The following PDE4D variants were observed in gnomAD, a reference collection of about 807,000 sequenced individuals.
PDE4D encodes the protein 3',5'-cyclic-AMP phosphodiesterase 4D.
In PDE4D, 24 loss-of-function variants were observed where a neutral mutation model predicts 87.4. The ratio of observed to expected loss-of-function variants is 0.27; its 90% confidence interval spans 0.20 to 0.39. The LOEUF is 0.39. Among genes scored for constraint, PDE4D ranks in the 10% least tolerant of loss-of-function variants. The pLI is 1.00. For missense variants in PDE4D, 714 were observed against 1,041.0 expected, an observed-to-expected ratio of 0.69 and a Z score of 4.32; for synonymous variants, 384 against 383.2, an observed-to-expected ratio of 1.00 and a Z score of -0.02.
At chr5:59,420,755 C>T (rs1040056968) in intron 1 of PDE4D, among the ~76,000 whole-genome samples, 10 of 151,006 alleles carry the variant, frequency 6.6e-5, no homozygotes, top group African/African-American at 1.9e-4. Context: ...TGCTGGTATT[C>T]ACAGTGTTCT....
At chr5:59,052,597 G>C (rs1761714840) in intron 5 of PDE4D, among the ~76,000 whole-genome samples, 1 of 152,172 alleles carries the variant, frequency 6.6e-6, no homozygotes, top group Non-Finnish European at 1.5e-5. Context: ...AGTGGTCTAC[G>C]ATGACAGTTA....
intron 2 of PDE4D, among the ~76,000 whole-genome samples, chr5:59,199,365 T>C (rs1269485943): frequency 6.6e-6 from 1 of 151,954 alleles, no homozygotes; most frequent in East Asian, 1.9e-4. Context: ...GTGCCTAGGA[T>C]TACAGGTGTG....
intron 1 of PDE4D, among the ~76,000 whole-genome samples, chr5:59,821,197 C>T (rs572451443): frequency 5.7e-4 from 87 of 152,204 alleles, no homozygotes; most frequent in African/African-American, 2.0e-3. Context: ...CGTGCCACTG[C>T]ACTCCAGCCT....
At chr5:58,993,584 T>C in intron 6 of PDE4D, 119 bp from the exon 7 acceptor site, 1 of 609,084 alleles carries the variant, frequency 1.6e-6, no homozygotes, top group Non-Finnish European at 2.8e-6. Context: ...CCTGACAATT[T>C]AGAACAGTGC....
chr5:59,388,606 A>G (rs1251205575), intron 1 of PDE4D, among the ~76,000 whole-genome samples: 5 of 129,602 alleles, frequency 3.9e-5, no homozygotes. Context: ...ATCAACAATG[A>G]ATGGATAAAG....
rs557800725 is a variant in PDE4D at position 60,504,642 on chromosome 5, A to T, written n.70+17409T>A. ...CAGGTTGAAGTTGATTGACTTCAGTAAGCTCCAAGCTTAGGTTGTAATCAT... is the reference window on the plus strand; with the variant it reads ...CAGGTTGAAGTTGATTGACTTCAGTTAGCTCCAAGCTTAGGTTGTAATCAT... On this transcript the variant is annotated intron_variant and non_coding_transcript_variant, in intron 1 of 2. Coordinates refer to the PDE4D transcript ENST00000506510. Among the ~76,000 whole-genome samples, 5 of 152,346 alleles carry T rather than the reference A, an allele frequency of 3.3e-5. No homozygotes were observed. The South Asian group carries it at 1.0e-3, about 32-fold the overall frequency.
intron 1 of PDE4D, among the ~76,000 whole-genome samples, chr5:60,254,634 C>T (rs901942231): frequency 6.6e-5 from 10 of 151,786 alleles, no homozygotes; most frequent in African/African-American, 2.4e-5. Flanking sequence ...TGAGCAAAAT[C>T]GTGTGTAAAA....
At chr5:60,341,966 C>A (rs1269598759) in intron 1 of PDE4D, among the ~76,000 whole-genome samples, 2 of 152,188 alleles carry the variant, frequency 1.3e-5, no homozygotes, top group African/African-American at 4.8e-5. Context: ...TGAGGCTTAA[C>A]TTCTGCAAAC....
At chr5:59,363,251 ACT>A (rs979360731) in intron 1 of PDE4D, among the ~76,000 whole-genome samples, 1 of 152,094 alleles carries the variant, frequency 6.6e-6, no homozygotes, top group Admixed American at 6.5e-5. Context: ...TGTTCTGAAG[ACT>A]CTGCACAGAA....
At chr5:60,447,919 GAT>G (rs1000802238) in intron 1 of PDE4D, among the ~76,000 whole-genome samples, 18 of 152,164 alleles carry the variant, frequency 1.2e-4, no homozygotes, top group African/African-American at 3.9e-4. Context: ...GTTCTTTGAG[GAT>G]ATATGTTTTT....
At chr5:59,871,339 A>C (rs1747790066) in intron 1 of PDE4D, among the ~76,000 whole-genome samples, 1 of 152,128 alleles carries the variant, frequency 6.6e-6, no homozygotes, top group Admixed American at 6.5e-5. Flanking sequence ...GCCACCTGAT[A>C]TGGAAAAAGG....
chr5:60,492,545 T>C (rs1749587471), upstream of PDE4D, among the ~76,000 whole-genome samples: 1 of 152,160 alleles, frequency 6.6e-6, no homozygotes, highest in Non-Finnish European at 1.5e-5. Flanking sequence ...GTGAATTCCA[T>C]GGAATACTAT....
At chr5:60,486,711 C>T (rs1749170277) in intron 1 of PDE4D, among the ~76,000 whole-genome samples, 1 of 152,068 alleles carries the variant, frequency 6.6e-6, no homozygotes, top group African/African-American at 2.4e-5. Flanking sequence ...AAGTAATTGC[C>T]AACTATAGCT....
At chr5:59,907,728 T>C (rs1752994469) in intron 3 of PDE4D, among the ~76,000 whole-genome samples, 1 of 152,220 alleles carries the variant, frequency 6.6e-6, no homozygotes, top group Non-Finnish European at 1.5e-5. Flanking sequence ...TAGCAAAAGA[T>C]GATTTCAGCA....
chr5:59,291,448 G>A (rs1561894232), intron 1 of PDE4D, among the ~76,000 whole-genome samples: 1 of 151,906 alleles, frequency 6.6e-6, no homozygotes, highest in East Asian at 1.9e-4. Flanking sequence ...GTGGAGGGAA[G>A]GGTGGGATAC....
chr5:60,492,031 C>T (rs60104228), upstream of PDE4D, among the ~76,000 whole-genome samples: 12,304 of 151,636 alleles, frequency 0.081, 822 homozygotes, highest in East Asian at 0.18. Flanking sequence ...CTAGATGACG[C>T]GTTAGTGGGT....
chr5:59,922,162 C>A (rs1846969), intron 3 of PDE4D, among the ~76,000 whole-genome samples: 145 of 152,264 alleles, frequency 9.5e-4, no homozygotes, highest in African/African-American at 3.4e-3. Flanking sequence ...TAGACCAGCC[C>A]TAGCCAGAGT....
At chr5:60,304,411 C>T (rs941929512) in intron 1 of PDE4D, among the ~76,000 whole-genome samples, 8 of 150,984 alleles carry the variant, frequency 5.3e-5, no homozygotes, top group South Asian at 2.1e-4. Flanking sequence ...TTTGGGAGGC[C>T]GAGGCGGGTG....
intron 1 of PDE4D, among the ~76,000 whole-genome samples, chr5:59,783,300 A>G (rs531596792): frequency 2.0e-5 from 3 of 152,230 alleles, no homozygotes; most frequent in Non-Finnish European, 4.4e-5. Context: ...CCCAGGCATC[A>G]GTTTTTTTGT....
Sources: allele counts gnomAD v4.1 joint callset (sites outside exome capture counted in the v4.1 genomes callset), GRCh38; gene constraint gnomAD v4.1.1; transcripts MANE v1.5; gene names NCBI Gene and HGNC (gene_info 2026-07-23, HGNC 2026-07-21).